Variants in IMPA2 observed in about 807,000 individuals in gnomAD.
IMPA2 encodes the protein inositol monophosphatase 2, also known as IMP 2.
A neutral mutation model predicts 35.1 loss-of-function variants in IMPA2; 32 were observed. That is an observed-to-expected ratio of 0.91 (90% CI 0.69 to 1.23). The LOEUF is 1.23. IMPA2 is among the 50% of genes most tolerant of loss of function. The pLI is 0.00. For missense variants in IMPA2, 334 were observed against 387.6 expected (o/e 0.86, Z 1.16); for synonymous variants, 135 against 160.6 (o/e 0.84, Z 1.20).
At chr18:11,984,981 A>ATAC (rs1906620067) in intron 1 of IMPA2, among the ~76,000 whole-genome samples, 2 of 146,214 alleles carry the variant, frequency 1.4e-5, no homozygotes, top group Non-Finnish European at 3.0e-5. Flanking sequence ...AAAAAAAAAA[A>ATAC]AAAACAACAA....
chr18:11,997,335 G>A (rs1301654906), intron 1 of IMPA2, among the ~76,000 whole-genome samples: 2 of 152,246 alleles, frequency 1.3e-5, no homozygotes. Flanking sequence ...ACCCTGGCCA[G>A]AGGCAGGGCC....
chr18:12,028,882 C>G lies in IMPA2; in HGVS notation c.640C>G (p.Leu214Val), dbSNP rs770766423. 1.2e-6 allele frequency: 2 copies of G among 1,614,210 alleles called. No individual in the cohort carries two copies. Among genetic ancestry groups the G allele is most frequent in the Non-Finnish European group, 1.7e-6 (2 of 1,180,040 alleles). The part of the protein sequence containing the change: ...IGSSTLALCH[L>V]ASGAADAYYQ... Reference sequence around the variant, plus strand: ...AAGCTCCACATTGGCACTCTGCCACCTGGCCTCAGGGGCCGCGGATGCCTA... The same window carrying G: ...AAGCTCCACATTGGCACTCTGCCACGTGGCCTCAGGGGCCGCGGATGCCTA... Residue 214 changes from leucine to valine, a missense_variant, in exon 7 of 8, where the codon CTG becomes GTG. Physicochemically the swap from Leu to Val is conservative, Grantham distance 32. Transcript: ENST00000269159.
intron 5 of IMPA2, chr18:12,017,781 G>A (rs1485075029): frequency 1.5e-5 from 5 of 340,266 alleles, no homozygotes; most frequent in East Asian, 2.0e-4. Context: ...TAGTAGAGAC[G>A]GGGTTTCACC....
At chr18:12,027,567 ATT>A (rs138876745) in intron 5 of IMPA2, among the ~76,000 whole-genome samples, 3 of 90,978 alleles carry the variant, frequency 3.3e-5, no homozygotes, top group Middle Eastern at 6.8e-3. Context: ...AATGATGGTG[ATT>A]TTTTTTTTTT....
intron 5 of IMPA2, chr18:12,021,917 C>T (rs1449249595): frequency 1.3e-5 from 2 of 152,186 alleles, no homozygotes; most frequent in East Asian, 3.8e-4. Flanking sequence ...TCAACCAGAG[C>T]AAGGGTTTCC....
chr18:12,013,103 G>A (rs996292035), intron 4 of IMPA2, among the ~76,000 whole-genome samples: 11 of 152,230 alleles, frequency 7.2e-5, no homozygotes, highest in Non-Finnish European at 1.5e-4. Flanking sequence ...TTGATGTTCT[G>A]TGACTGTGTG....
chr18:12,027,748 AT>A (rs74911212), intron 5 of IMPA2, among the ~76,000 whole-genome samples: 3,055 of 136,264 alleles, frequency 0.022, 77 homozygotes, highest in African/African-American at 0.071. Flanking sequence ...GCTACTTTTA[AT>A]TTTTTTTTTT....
At chr18:12,023,660 A>G (rs563532728) in intron 5 of IMPA2, among the ~76,000 whole-genome samples, 6 of 152,264 alleles carry the variant, frequency 3.9e-5, no homozygotes, top group East Asian at 1.9e-4. Flanking sequence ...TCCCAATGGA[A>G]ATTGATTGCT....
chr18:12,027,590 T>TTTTA (rs1555647332), intron 5 of IMPA2, among the ~76,000 whole-genome samples: 6 of 129,104 alleles, frequency 4.6e-5, no homozygotes, highest in Admixed American at 9.0e-5. Flanking sequence ...TTTTTTTTTT[T>TTTTA]AAAGAAACAG....
chr18:12,010,011 C>A lies in IMPA2; in HGVS notation c.335+24C>A. 6.5e-7 allele frequency: 1 copy of A among 1,538,508 alleles called. No individual in the cohort carries two copies. The highest frequency in any genetic ancestry group is 9.0e-7 in the Non-Finnish European group (1 of 1,112,530). ...AGGTGAGCTGAGCAGGGATCGCCTC[C>A]ATTGCAGGGCTTAACATGTCCTCTT... On this transcript the variant is annotated intron_variant, in intron 3 of 7. Coordinates refer to ENST00000269159, the MANE Select transcript of IMPA2 (RefSeq NM_014214.3). This position sits in a 1 kb window ranked among gnomAD's most constrained non-coding sequence, Gnocchi z 4.8.
chr18:11,999,011 G>A, intron 1 of IMPA2, 43 bp from the exon 2 acceptor site: 2 of 1,554,878 alleles, frequency 1.3e-6, no homozygotes, highest in East Asian at 2.5e-5. Context: ...CCTGGGAGGA[G>A]GATGTTTGCA....
chr18:12,003,080 A>C (rs939399332), intron 2 of IMPA2, among the ~76,000 whole-genome samples: 1 of 152,032 alleles, frequency 6.6e-6, no homozygotes, highest in African/African-American at 2.4e-5. Flanking sequence ...CTGTAATCCC[A>C]GCTACTCAGG....
intron 5 of IMPA2, among the ~76,000 whole-genome samples, chr18:12,025,807 T>C (rs1392164011): frequency 3.3e-5 from 5 of 152,158 alleles, no homozygotes; most frequent in African/African-American, 1.2e-4. Flanking sequence ...CTCAAACTCC[T>C]GATCCTCCCG....
At chr18:12,012,309 G>C (rs764206616) in intron 4 of IMPA2, 94 bp downstream of exon 4, 2 of 1,042,626 alleles carry the variant, frequency 1.9e-6, no homozygotes, top group Non-Finnish European at 1.5e-6. Context: ...CTGGTTTGCT[G>C]TTTGCCCTGT....
intron 2 of IMPA2, among the ~76,000 whole-genome samples, chr18:12,006,126 G>GT (rs1385631080): frequency 6.6e-6 from 1 of 152,188 alleles, no homozygotes; most frequent in Non-Finnish European, 1.5e-5. Flanking sequence ...AACAGATTTA[G>GT]TGCCTGAAGT....
intron 1 of IMPA2, among the ~76,000 whole-genome samples, chr18:11,990,798 C>G (rs1156696373): frequency 1.3e-5 from 2 of 152,204 alleles, no homozygotes; most frequent in African/African-American, 4.8e-5. Flanking sequence ...CGATGGTGGA[C>G]TTGGACTGTG....
chr18:12,006,282 T>A (rs536729237), intron 2 of IMPA2, among the ~76,000 whole-genome samples: 1 of 152,296 alleles, frequency 6.6e-6, no homozygotes, highest in African/African-American at 2.4e-5. Flanking sequence ...TACCCACCAT[T>A]TTTCCTCCTA....
rs140601596 is a variant in IMPA2, at chr18:11,992,741, G to C, written c.97-6313G>C. On this transcript the variant is annotated intron_variant, in intron 1 of 7. Transcript: ENST00000269159. ...AACTCATTGCTGGTGGAGTGAGAGT[G>C]TTTAAAATCTCTAAGACTGAGGGAA... Among the ~76,000 whole-genome samples, 289 of 152,244 alleles carry C rather than the reference G, an allele frequency of 1.9e-3. 1 individual carries two copies. The highest frequency in any genetic ancestry group is 6.7e-3 in the African/African-American group (278 of 41,552).
At chr18:12,029,041 G>GAC in intron 7 of IMPA2, 48 bp downstream of exon 7, 1 of 1,565,280 alleles carries the variant, frequency 6.4e-7, no homozygotes, top group Non-Finnish European at 8.7e-7. Flanking sequence ...TAGACTGAGA[G>GAC]ACACTGTGGG....
Sources: allele counts gnomAD v4.1 joint callset (sites outside exome capture counted in the v4.1 genomes callset), GRCh38; gene constraint gnomAD v4.1.1; non-coding constraint Gnocchi (gnomAD v3.1); transcripts MANE v1.5; gene names NCBI Gene and HGNC (gene_info 2026-07-23, HGNC 2026-07-21).